The following ADARB2 variants were observed in gnomAD, a reference collection of about 807,000 sequenced individuals.
ADARB2 encodes the protein adenosine deaminase RNA specific B2 (inactive).
Under a neutral mutation model 62.2 loss-of-function variants are expected in ADARB2, and 25 were observed. The ratio of observed to expected loss-of-function variants is 0.40; its 90% confidence interval spans 0.29 to 0.56. The LOEUF (loss-of-function observed/expected upper bound fraction) is 0.56, where lower values mean the gene tolerates loss of function less well. Ranked by LOEUF, ADARB2 falls within the 20% of genes least tolerant of loss-of-function variation. ADARB2 has a pLI of 0.43. For missense variants in ADARB2, 1,071 were observed against 1,077.4 expected (o/e 0.99, Z 0.08); for synonymous variants, 572 against 500.8 (o/e 1.14, Z -1.90).
chr10:1,376,899 G>T (rs1484775223), intron 2 of ADARB2, among the ~76,000 whole-genome samples: 1 of 150,682 alleles, frequency 6.6e-6, no homozygotes, highest in African/African-American at 2.4e-5. Context: ...GTGCTCCTGG[G>T]GTGTGTGTGT....
intron 1 of ADARB2, among the ~76,000 whole-genome samples, chr10:1,712,722 C>A (rs1292959637): frequency 6.9e-6 from 1 of 144,398 alleles, no homozygotes; most frequent in Non-Finnish European, 1.5e-5. Context: ...CATTCTCCTG[C>A]CTCAGCCTCC....
chr10:1,214,846 G>A (rs1419552705), intron 7 of ADARB2, among the ~76,000 whole-genome samples: 1 of 152,258 alleles, frequency 6.6e-6, no homozygotes, highest in African/African-American at 2.4e-5. Flanking sequence ...CTTTGATGCA[G>A]AAACCACGGC....
chr10:1,414,041 C>T (rs1022067760), intron 1 of ADARB2, among the ~76,000 whole-genome samples: 8 of 152,184 alleles, frequency 5.3e-5, no homozygotes, highest in African/African-American at 1.7e-4. Context: ...CTGTTCAGGT[C>T]CCACTCCCTG....
chr10:1,386,078 G>T (rs954497346), intron 1 of ADARB2, among the ~76,000 whole-genome samples: 1 of 151,984 alleles, frequency 6.6e-6, no homozygotes, highest in Non-Finnish European at 1.5e-5. Flanking sequence ...TAATTATTCT[G>T]TTGCAAGTTT....
chr10:1,523,503 A>G (rs1832101009), intron 1 of ADARB2, among the ~76,000 whole-genome samples: 1 of 152,180 alleles, frequency 6.6e-6, no homozygotes, highest in African/African-American at 2.4e-5. Context: ...AGAACCTGCC[A>G]GAGGCTTCGT....
At chr10:1,266,433 C>T (rs1211155982) in intron 4 of ADARB2, among the ~76,000 whole-genome samples, 3 of 151,548 alleles carry the variant, frequency 2.0e-5, no homozygotes, top group African/African-American at 4.9e-5. Context: ...GGAGTCCCAC[C>T]CTACAGGGAG....
chr10:1,207,362 C>CTCT (rs1491136069), intron 7 of ADARB2, among the ~76,000 whole-genome samples: 2 of 152,176 alleles, frequency 1.3e-5, no homozygotes, highest in Non-Finnish European at 2.9e-5. Context: ...TACAATTTTA[C>CTCT]TCTTTTAAAA....
chr10:1,597,515 A>G (rs765247716), intron 1 of ADARB2, among the ~76,000 whole-genome samples: 48 of 152,232 alleles, frequency 3.2e-4, no homozygotes, highest in Non-Finnish European at 5.1e-4. Flanking sequence ...CATATGAAAA[A>G]ATGCTTAACC....
chr10:1,340,841 A>G (rs1236814488), intron 3 of ADARB2, among the ~76,000 whole-genome samples: 70 of 114,198 alleles, frequency 6.1e-4, no homozygotes, highest in African/African-American at 1.9e-3. Flanking sequence ...AGAGAACCAC[A>G]CACCCCACAG....
intron 1 of ADARB2, chr10:1,675,871 G>A (rs1834461084): frequency 1.3e-6 from 1 of 755,948 alleles, no homozygotes; most frequent in Non-Finnish European, 1.6e-6. Context: ...GCAGAGGCCA[G>A]CCTCAGCTCT....
intron 1 of ADARB2, among the ~76,000 whole-genome samples, chr10:1,565,608 AAG>A (rs1832849884): frequency 6.6e-6 from 1 of 152,130 alleles, no homozygotes; most frequent in African/African-American, 2.4e-5. Flanking sequence ...CACCCAGGAA[AAG>A]AGAGATTTGA....
At chr10:1,254,025 T>G (rs1831058498) in intron 4 of ADARB2, among the ~76,000 whole-genome samples, 1 of 151,578 alleles carries the variant, frequency 6.6e-6, no homozygotes, top group Non-Finnish European at 1.5e-5. Flanking sequence ...ATGGTTAGGA[T>G]GCAGAGGGCT....
At chr10:1,307,585 T>C (rs1452072066) in intron 3 of ADARB2, among the ~76,000 whole-genome samples, 2 of 143,402 alleles carry the variant, frequency 1.4e-5, no homozygotes, top group Non-Finnish European at 3.0e-5. Context: ...ACTGGGTATA[T>C]ACCCAAAGGA....
chr10:1,512,668 T>C (rs1831951090), intron 1 of ADARB2, among the ~76,000 whole-genome samples: 2 of 152,260 alleles, frequency 1.3e-5, no homozygotes, highest in Admixed American at 1.3e-4. Context: ...TCCAAGTTTC[T>C]GCTCTCATTG....
At chr10:1,228,696 C>A (rs1455044627) in intron 6 of ADARB2, among the ~76,000 whole-genome samples, 1 of 152,328 alleles carries the variant, frequency 6.6e-6, no homozygotes, top group Admixed American at 6.5e-5. Flanking sequence ...ACTGAGTCTG[C>A]GGTCTCTGTC....
intron 1 of ADARB2, among the ~76,000 whole-genome samples, chr10:1,625,954 T>C (rs1365278846): frequency 2.0e-3 from 217 of 109,210 alleles, no homozygotes; most frequent in Middle Eastern, 5.6e-3. Flanking sequence ...GGACCTCGGA[T>C]GCTAACCCCA....
chr10:1,413,773 G>A (rs952611336), intron 1 of ADARB2, among the ~76,000 whole-genome samples: 6 of 152,110 alleles, frequency 3.9e-5, no homozygotes, highest in Admixed American at 1.3e-4. Flanking sequence ...CAAATTCATC[G>A]TTTTAATTTT....
At chr10:1,211,380 A>G (rs150484393) in intron 7 of ADARB2, among the ~76,000 whole-genome samples, 352 of 151,450 alleles carry the variant, frequency 2.3e-3, no homozygotes, top group African/African-American at 8.0e-3. Flanking sequence ...TGTCATCTCT[A>G]TCCATCTATC....
intron 3 of ADARB2, among the ~76,000 whole-genome samples, chr10:1,272,734 G>A (rs1400479368): frequency 2.0e-5 from 3 of 152,238 alleles, no homozygotes; most frequent in Non-Finnish European, 4.4e-5. Flanking sequence ...CAGCTGTCCT[G>A]TCTTTCGTGT....
Sources: allele counts gnomAD v4.1 joint callset (sites outside exome capture counted in the v4.1 genomes callset), GRCh38; gene constraint gnomAD v4.1.1; transcripts MANE v1.5; gene names NCBI Gene and HGNC (gene_info 2026-07-23, HGNC 2026-07-21).